Variants in MYLK4 observed in about 807,000 individuals in gnomAD.
MYLK4 encodes myosin light chain kinase family member 4.
A neutral mutation model predicts 48.1 loss-of-function variants in MYLK4; 46 were observed. The ratio of observed to expected loss-of-function variants is 0.96; its 90% CI spans 0.75 to 1.22. MYLK4 has a LOEUF of 1.22. MYLK4 is among the 50% of genes most tolerant of loss of function. The pLI is 0.00. For missense variants in MYLK4, 451 were observed against 486.1 expected (o/e 0.93, Z 0.68); for synonymous variants, 170 against 180.8 (o/e 0.94, Z 0.48).
chr6:2,690,978 G>A (rs959557626), intron 3 of MYLK4, among the ~76,000 whole-genome samples: 1 of 151,740 alleles, frequency 6.6e-6, no homozygotes, highest in Non-Finnish European at 1.5e-5. Context: ...ACAGGCGCCC[G>A]CCACCACGCC....
Position 2,688,913 on chromosome 6 carries a change from C to T in MYLK4, c.279G>A (p.Val93=), listed in dbSNP as rs1761667771. 1 of 1,614,060 alleles carries T rather than the reference C, an allele frequency of 6.2e-7. No homozygotes were observed. The highest frequency in any genetic ancestry group is 1.3e-5 in the African/African-American group (1 of 74,922). ...TGTTGACCGCTCCTTGCTTGGCTGT[C>T]ACAATACGATGATCAAATGGGGCCG... is the stretch of plus-strand genomic sequence containing the variant. ...APPAPFDHRI[V]TAKQGAVNSF... Residue 93 remains valine (V), a synonymous_variant, in exon 4 of 13, where the codon GTG becomes GTA. Transcript: ENST00000274643.
chr6:2,749,525 A>C, intron 1 of MYLK4, 119 bp from the exon 2 acceptor site: 1 of 366,350 alleles, frequency 2.7e-6, no homozygotes, highest in East Asian at 4.1e-5. Context: ...AGGATCCAAA[A>C]TCAGGAAAAG....
chr6:2,762,247 G>C, the MYLK4 span, among the ~76,000 whole-genome samples: 1 of 152,090 alleles, frequency 6.6e-6, no homozygotes, highest in East Asian at 1.9e-4. Flanking sequence ...AGTTTCCCAT[G>C]ACAATACTTT....
chr6:2,711,519 A>G (rs1762672851), intron 2 of MYLK4, among the ~76,000 whole-genome samples: 1 of 152,210 alleles, frequency 6.6e-6, no homozygotes, highest in South Asian at 2.1e-4. Flanking sequence ...TAAAGATAAA[A>G]TGAAATGGGG....
At chr6:2,752,231 T>C (rs1764308719), upstream of MYLK4, among the ~76,000 whole-genome samples, 1 of 152,226 alleles carries the variant, frequency 6.6e-6, no homozygotes, top group Non-Finnish European at 1.5e-5. Context: ...AGAGTAGTTT[T>C]ACATCTACAG....
intron 2 of MYLK4, among the ~76,000 whole-genome samples, chr6:2,699,619 GC>G (rs201565014): frequency 0.012 from 1,777 of 152,162 alleles, 27 homozygotes; most frequent in Non-Finnish European, 0.015. Context: ...AACAGCCTCT[GC>G]TAGCAAGAAA....
intron 2 of MYLK4, among the ~76,000 whole-genome samples, chr6:2,714,039 C>T (rs374587209): frequency 9.9e-5 from 15 of 152,262 alleles, no homozygotes; most frequent in African/African-American, 3.4e-4. Context: ...CCCTAGTGCA[C>T]GGTTGTTTGG....
In MYLK4 at chr6:2,685,602, C is replaced by G; in HGVS notation, c.342-26G>C. ...CTGCCAAAAAGAGGAAGCGGCGTAGCATGAGGCCCTGTGGTCAGCTGCCGA... is the reference window on the plus strand; with the variant it reads ...CTGCCAAAAAGAGGAAGCGGCGTAGGATGAGGCCCTGTGGTCAGCTGCCGA... On this transcript the variant is annotated intron_variant, in intron 4 of 12. Coordinates refer to ENST00000274643, the MANE Select transcript of MYLK4 (RefSeq NM_001012418.5). This position sits in a 1 kb window ranked among gnomAD's most constrained non-coding sequence, Gnocchi z 4.5. The G allele has an allele frequency of 6.2e-7, 1 of 1,610,080 alleles. No individual in the cohort carries two copies. Among genetic ancestry groups the G allele is most frequent in the Non-Finnish European group, 8.5e-7 (1 of 1,176,744 alleles).
chr6:2,683,228 G>A lies in MYLK4; in HGVS notation c.546-66C>T, dbSNP rs1761385542. ...CTTACCACCATGTGCTTTTCTCGTAGTGACTTGTCGTGCAAGTTCTGCTAC... is the reference window on the plus strand; with the variant it reads ...CTTACCACCATGTGCTTTTCTCGTAATGACTTGTCGTGCAAGTTCTGCTAC... On this transcript the variant is annotated intron_variant, in intron 6 of 12. Coordinates refer to ENST00000274643, the MANE Select transcript of MYLK4 (RefSeq NM_001012418.5). 3 of 1,570,436 alleles carry A rather than the reference G, an allele frequency of 1.9e-6. No individual in the cohort carries two copies. The East Asian group carries it at 6.8e-5, about 36-fold the overall frequency.
At chr6:2,762,923 T>C in the MYLK4 span, among the ~76,000 whole-genome samples, 17 of 152,308 alleles carry the variant, frequency 1.1e-4, no homozygotes, top group African/African-American at 3.6e-4. Context: ...CAGTGAGTAT[T>C]ACCACTCATT....
chr6:2,755,979 T>A, the MYLK4 span, among the ~76,000 whole-genome samples: 1 of 152,212 alleles, frequency 6.6e-6, no homozygotes, highest in Non-Finnish European at 1.5e-5. Flanking sequence ...GTGATCTGAT[T>A]AAGGTTGTGT....
chr6:2,722,491 C>A (rs1456778488), intron 2 of MYLK4, among the ~76,000 whole-genome samples: 1 of 147,110 alleles, frequency 6.8e-6, no homozygotes, highest in East Asian at 2.0e-4. Flanking sequence ...AGAATGAGAG[C>A]AGGAAGTAGG....
In MYLK4 at chr6:2,719,056, C is replaced by A. The variant is rs191394595; in HGVS notation, c.160-26197G>T. Among the ~76,000 whole-genome samples the A allele has an allele frequency of 2.0e-5, 3 of 152,220 alleles. 1 individual carries two copies. Among genetic ancestry groups the A allele is most frequent in the African/African-American group, 7.2e-5 (3 of 41,536 alleles). On this transcript the variant is annotated intron_variant, in intron 2 of 12. Transcript: ENST00000274643. ...CTTTGGACTGTTCTTGCAGACAGAC[C>A]ATATTAGCAAGGAATGAGGGAAAAC...
intron 2 of MYLK4, among the ~76,000 whole-genome samples, chr6:2,708,445 T>C (rs953598136): frequency 1.3e-5 from 2 of 152,276 alleles, no homozygotes; most frequent in Non-Finnish European, 1.5e-5. Flanking sequence ...ATTTTGGCTA[T>C]GGGAGAAAAA....
intron 2 of MYLK4, among the ~76,000 whole-genome samples, chr6:2,748,438 A>G (rs1029351600): frequency 2.0e-5 from 3 of 152,218 alleles, no homozygotes; most frequent in Non-Finnish European, 4.4e-5. Context: ...GATGATGGGC[A>G]GGAACTGACT....
At chr6:2,692,531 C>T (rs1761842523) in intron 3 of MYLK4, among the ~76,000 whole-genome samples, 1 of 147,112 alleles carries the variant, frequency 6.8e-6, no homozygotes, top group Admixed American at 7.1e-5. Flanking sequence ...TTCTTTTTAT[C>T]AGCAGATATA....
intron 11 of MYLK4, among the ~76,000 whole-genome samples, chr6:2,671,749 G>C (rs1427387766): frequency 1.3e-5 from 2 of 152,226 alleles, no homozygotes; most frequent in African/African-American, 2.4e-5. Flanking sequence ...TTTTCAAATT[G>C]AGTAGACAAC....
the MYLK4 span, among the ~76,000 whole-genome samples, chr6:2,769,112 A>G: frequency 6.6e-6 from 1 of 152,226 alleles, no homozygotes; most frequent in Non-Finnish European, 1.5e-5. Context: ...TCCCTGAGCT[A>G]TACGTATCAG....
Position 2,683,075 on chromosome 6 carries a change from T to C in MYLK4, c.633A>G (p.Ile211Met), listed in dbSNP as rs1410958127. 1.9e-6 allele frequency: 3 copies of C among 1,614,040 alleles called. No individual in the cohort carries two copies. Among genetic ancestry groups the C allele is most frequent in the East Asian group, 2.2e-5 (1 of 44,896 alleles). The change falls in exon 7 of 13, where the codon ATA becomes ATG. Residue 211 changes from isoleucine to methionine, a missense_variant. Physicochemically the swap from Ile to Met is conservative, Grantham distance 10 (BLOSUM62 1). Transcript: ENST00000274643. ...ELDTILFMKQ[I>M]CEGIRHMHQM... Reference sequence around the variant, plus strand: ...GATGCATGTGCCTTATCCCCTCACATATCTGCTTCATGAACAGGATGGTAT... The same window carrying C: ...GATGCATGTGCCTTATCCCCTCACACATCTGCTTCATGAACAGGATGGTAT...
Sources: allele counts gnomAD v4.1 joint callset (sites outside exome capture counted in the v4.1 genomes callset), GRCh38; gene constraint gnomAD v4.1.1; non-coding constraint Gnocchi (gnomAD v3.1); transcripts MANE v1.5; gene names NCBI Gene and HGNC (gene_info 2026-07-23, HGNC 2026-07-21).